SGCD: variants seen among roughly 807,000 people sequenced by gnomAD.
SGCD encodes the protein delta-sarcoglycan.
In SGCD, 18 loss-of-function variants were observed where a neutral mutation model predicts 36.6. The ratio of observed to expected loss-of-function variants is 0.49; its 90% CI spans 0.34 to 0.73. SGCD has a LOEUF of 0.73. Ranked by LOEUF, SGCD falls within the 30% of genes least tolerant of loss-of-function variation. The pLI is 0.01. For synonymous variants in SGCD, 133 were observed against 130.6 expected, an observed-to-expected ratio of 1.02 and a Z score of -0.12; for missense variants, 387 against 346.7, an observed-to-expected ratio of 1.12 and a Z score of -0.92.
chr5:155,770,607 G>A, the SGCD span, among the ~76,000 whole-genome samples: 4 of 152,196 alleles, frequency 2.6e-5, no homozygotes, highest in Admixed American at 6.5e-5. Context: ...GTGGCGTGCT[G>A]TTGGAGGGTT....
intron 3 of SGCD, among the ~76,000 whole-genome samples, chr5:156,304,191 G>T (rs1439625556): frequency 6.6e-6 from 1 of 152,102 alleles, no homozygotes; most frequent in Non-Finnish European, 1.5e-5. Flanking sequence ...TCCCTCTATT[G>T]TCACCCACTG....
At chr5:155,732,391 A>G in the SGCD span, among the ~76,000 whole-genome samples, 1 of 152,224 alleles carries the variant, frequency 6.6e-6, no homozygotes, top group African/African-American at 2.4e-5. Context: ...CTAATTATGT[A>G]CCGTGGTAGC....
chr5:156,614,098 C>T (rs1448369211), intron 6 of SGCD, among the ~76,000 whole-genome samples: 2 of 152,064 alleles, frequency 1.3e-5, no homozygotes, highest in Non-Finnish European at 2.9e-5. Context: ...AGGTACGCAC[C>T]ATCACACCTG....
At chr5:156,752,696 A>G (rs527612500) in intron 7 of SGCD, among the ~76,000 whole-genome samples, 2 of 152,326 alleles carry the variant, frequency 1.3e-5, no homozygotes, top group Admixed American at 1.3e-4. Context: ...GCCGGCCAGC[A>G]TTATCATTCT....
intron 3 of SGCD, among the ~76,000 whole-genome samples, chr5:156,506,522 A>T (rs1375755580): frequency 6.6e-6 from 1 of 152,164 alleles, no homozygotes; most frequent in Non-Finnish European, 1.5e-5. Context: ...GGCTGATTGC[A>T]GTCCTGGGGA....
At chr5:155,875,495 C>G (rs976479178) in intron 1 of SGCD, among the ~76,000 whole-genome samples, 2 of 152,124 alleles carry the variant, frequency 1.3e-5, no homozygotes, top group Non-Finnish European at 2.9e-5. Flanking sequence ...ACATCAAACT[C>G]AGCAACCTGG....
intron 1 of SGCD, among the ~76,000 whole-genome samples, chr5:155,899,791 C>T (rs551027557): frequency 6.6e-6 from 1 of 152,188 alleles, no homozygotes; most frequent in East Asian, 1.9e-4. Context: ...ACGCAGAAGA[C>T]TATAGGAGAG....
chr5:155,734,887 CTG>C, the SGCD span, among the ~76,000 whole-genome samples: 1 of 152,148 alleles, frequency 6.6e-6, no homozygotes, highest in Non-Finnish European at 1.5e-5. Context: ...TCCTCAAAGA[CTG>C]TGTTAGATGT....
chr5:156,184,395 C>T (rs1763684720), intron 3 of SGCD, among the ~76,000 whole-genome samples: 1 of 139,770 alleles, frequency 7.2e-6, no homozygotes, highest in African/African-American at 2.8e-5. Flanking sequence ...TCATTGTAAG[C>T]CTTTTTATTA....
At chr5:155,789,322 T>G in the SGCD span, among the ~76,000 whole-genome samples, 1 of 152,160 alleles carries the variant, frequency 6.6e-6, no homozygotes, top group Non-Finnish European at 1.5e-5. Context: ...ATTAACTGTT[T>G]ATTGAAATTT....
intron 1 of SGCD, among the ~76,000 whole-genome samples, chr5:155,911,293 ATGTG>A (rs371986965): frequency 4.2e-5 from 6 of 141,594 alleles, no homozygotes; most frequent in African/African-American, 8.0e-5. Flanking sequence ...AGTATAGTAT[ATGTG>A]TGTGTGTGTG....
chr5:156,703,597 C>T (rs1038773874), intron 7 of SGCD, among the ~76,000 whole-genome samples: 16 of 152,024 alleles, frequency 1.1e-4, no homozygotes, highest in Non-Finnish European at 1.9e-4. Context: ...TGCTAGGCAA[C>T]GCTTTTACTA....
intron 1 of SGCD, among the ~76,000 whole-genome samples, chr5:156,028,057 T>C (rs3097812): frequency 0.37 from 56,161 of 152,082 alleles, 10,753 homozygotes; most frequent in East Asian, 0.46. Flanking sequence ...TCCTGTCTTT[T>C]AAAACTATCA....
At chr5:155,739,033 C>A in the SGCD span, among the ~76,000 whole-genome samples, 1 of 152,072 alleles carries the variant, frequency 6.6e-6, no homozygotes, top group Non-Finnish European at 1.5e-5. Context: ...AATTGTACCT[C>A]ATTTATGCAT....
chr5:156,585,983 T>A (rs748644874), intron 4 of SGCD, among the ~76,000 whole-genome samples: 3 of 152,086 alleles, frequency 2.0e-5, no homozygotes, highest in Non-Finnish European at 4.4e-5. Flanking sequence ...TATTAGTAGG[T>A]AAATTTTGTC....
chr5:156,225,595 T>G (rs1561573304), intron 3 of SGCD, among the ~76,000 whole-genome samples: 2 of 152,122 alleles, frequency 1.3e-5, no homozygotes, highest in Non-Finnish European at 2.9e-5. Context: ...TTGCTGCTGT[T>G]GCTAGATCAG....
intron 1 of SGCD, among the ~76,000 whole-genome samples, chr5:155,905,951 A>G (rs1262504398): frequency 6.6e-6 from 1 of 152,088 alleles, no homozygotes; most frequent in African/African-American, 2.4e-5. Context: ...GAACTAATAC[A>G]TTGTGCTTCT....
chr5:156,135,124 A>G (rs1194528066), intron 3 of SGCD, among the ~76,000 whole-genome samples: 2 of 152,200 alleles, frequency 1.3e-5, no homozygotes, highest in Non-Finnish European at 2.9e-5. Flanking sequence ...ATGGGTGGAT[A>G]AATATATTGC....
chr5:155,775,784 T>C, the SGCD span, among the ~76,000 whole-genome samples: 1 of 152,226 alleles, frequency 6.6e-6, no homozygotes, highest in Non-Finnish European at 1.5e-5. Flanking sequence ...GAAACAGTGG[T>C]AGACAGGGAG....
Sources: allele counts gnomAD v4.1 joint callset (sites outside exome capture counted in the v4.1 genomes callset), GRCh38; gene constraint gnomAD v4.1.1; transcripts MANE v1.5; gene names NCBI Gene and HGNC (gene_info 2026-07-23, HGNC 2026-07-21).